Variants in PPP2R3A observed in about 807,000 individuals in gnomAD.
PPP2R3A encodes protein phosphatase 2 regulatory subunit B''alpha.
PPP2R3A carries 80 observed loss-of-function variants against 106.9 expected under a neutral mutation model. That is an observed-to-expected ratio of 0.75 (90% CI 0.62 to 0.90). The LOEUF (loss-of-function observed/expected upper bound fraction) is 0.90. Ranked by LOEUF, PPP2R3A falls within the 40% of genes least tolerant of loss-of-function variation. PPP2R3A has a pLI of 0.00. For missense variants in PPP2R3A, 1,386 were observed against 1,350.4 expected (o/e 1.03, Z -0.41); for synonymous variants, 483 against 468.3 (o/e 1.03, Z -0.41).
At chr3:136,026,802 T>G (rs752687496) in intron 2 of PPP2R3A, 30 bp from the exon 3 acceptor site, 3 of 1,553,776 alleles carry the variant, frequency 1.9e-6, no homozygotes, top group Admixed American at 3.9e-5. Context: ...TTTAAATTTT[T>G]TGTGTCTCAT....
chr3:135,985,352 C>A (rs140355117), intron 1 of PPP2R3A, among the ~76,000 whole-genome samples: 5 of 148,782 alleles, frequency 3.4e-5, no homozygotes, highest in African/African-American at 9.9e-5. Flanking sequence ...TCTCTCTCCC[C>A]GCCCTCTTTC....
intron 11 of PPP2R3A, among the ~76,000 whole-genome samples, 160 bp downstream of exon 11, chr3:136,102,342 CTTT>C (rs397874378): frequency 6.0e-5 from 7 of 116,024 alleles, no homozygotes; most frequent in Non-Finnish European, 7.2e-5. Flanking sequence ...AGTGTAGCAA[CTTT>C]TTTTTTTTTT....
intron 10 of PPP2R3A, among the ~76,000 whole-genome samples, chr3:136,099,189 G>T (rs1249812727): frequency 1.3e-5 from 2 of 151,958 alleles, no homozygotes; most frequent in Non-Finnish European, 2.9e-5. Context: ...CATCCCCAAG[G>T]AAAAAAACCA....
intron 3 of PPP2R3A, among the ~76,000 whole-genome samples, chr3:136,036,766 T>C (rs574569000): frequency 9.8e-5 from 15 of 152,318 alleles, no homozygotes; most frequent in African/African-American, 3.6e-4. Flanking sequence ...GGAGCTGCAG[T>C]CTAGTCCTGC....
At chr3:136,058,797 A>T (rs1935971420) in intron 5 of PPP2R3A, among the ~76,000 whole-genome samples, 1 of 152,200 alleles carries the variant, frequency 6.6e-6, no homozygotes, top group Non-Finnish European at 1.5e-5. Flanking sequence ...ACAAAAACAG[A>T]TACATAGACC....
In PPP2R3A at chr3:136,146,678, ACTAT is replaced by A. The variant is rs1286626388; in HGVS notation, c.*1516_*1519del. 3 of 152,200 alleles carry A rather than the reference ACTAT, an allele frequency of 2.0e-5. No homozygotes were observed. The highest frequency in any genetic ancestry group is 2.1e-4 in the South Asian group (1 of 4,830). The allele number at this position is 152,200 out of a possible 1,614,324, so 9.4% of individuals were successfully genotyped here. A position where few individuals can be genotyped will look rare whatever the true frequency, so the allele number is the denominator to read the frequency against. ...ATTACAGAAAGCAGTAACTATTGCA[ACTAT>A]CTAATAGTTCACACAAAAGAATTAA... On this transcript the variant is annotated 3_prime_UTR_variant, in exon 14 of 14. Transcript: ENST00000264977.
intron 3 of PPP2R3A, among the ~76,000 whole-genome samples, chr3:136,031,929 A>G (rs1170847922): frequency 6.6e-6 from 1 of 152,182 alleles, no homozygotes; most frequent in African/African-American, 2.4e-5. Context: ...GTTTGAAATC[A>G]GGTAATGTGA....
intron 10 of PPP2R3A, among the ~76,000 whole-genome samples, chr3:136,095,637 A>G (rs1937199028): frequency 6.6e-6 from 1 of 151,944 alleles, no homozygotes; most frequent in African/African-American, 2.4e-5. Flanking sequence ...TAGGCTGTAG[A>G]CTCCCTAAAA....
Position 136,003,101 on chromosome 3 carries a change from A to G in PPP2R3A, c.1603A>G (p.Lys535Glu), listed in dbSNP as rs1275057912. Residue 535 changes from lysine (K) to glutamate (E), a missense_variant, in exon 2 of 14, where the codon AAA (lysine) becomes GAA (glutamate). Lys to Glu is a moderately conservative substitution (Grantham distance 56). Transcript: ENST00000264977. ...TCTAAGAGAGCCACTTGCGAAGGGT[A>G]AAAACTCTAATTTTTTAAATAGTCA... is the stretch of plus-strand genomic sequence containing the variant. ...TSLREPLAKG[K>E]NSNFLNSHSQ... The G allele has an allele frequency of 2.5e-6, 4 of 1,610,866 alleles. No homozygotes were observed. In the African/African-American group the frequency reaches 4.0e-5, roughly 16 times the overall value.
chr3:135,981,650 T>G (rs765703893), intron 1 of PPP2R3A, among the ~76,000 whole-genome samples: 13 of 151,866 alleles, frequency 8.6e-5, no homozygotes, highest in Non-Finnish European at 1.6e-4. Flanking sequence ...AACAAAATCC[T>G]TGCCTTTGGA....
At chr3:135,981,844 A>G (rs1296166448) in intron 1 of PPP2R3A, among the ~76,000 whole-genome samples, 1 of 151,824 alleles carries the variant, frequency 6.6e-6, no homozygotes, top group Non-Finnish European at 1.5e-5. Flanking sequence ...ATAGTACAAG[A>G]TGAGGTCAGG....
At chr3:136,000,776 C>G (rs918115489) in intron 1 of PPP2R3A, among the ~76,000 whole-genome samples, 1 of 152,092 alleles carries the variant, frequency 6.6e-6, no homozygotes, top group Non-Finnish European at 1.5e-5. Flanking sequence ...GATGAAAATG[C>G]CGTGTAAATC....
chr3:136,023,161 C>CA, intron 2 of PPP2R3A: 1 of 1,613,526 alleles, frequency 6.2e-7, no homozygotes, highest in Non-Finnish European at 8.5e-7. Context: ...GTTCTCCCTT[C>CA]ACGGTTTAAG....
intron 8 of PPP2R3A, among the ~76,000 whole-genome samples, chr3:136,083,430 C>T (rs1440171978): frequency 6.6e-6 from 1 of 152,162 alleles, no homozygotes; most frequent in Non-Finnish European, 1.5e-5. Flanking sequence ...GTAACATGTG[C>T]TGTTGCTTCT....
At chr3:136,023,485 C>G (rs761100536) in intron 2 of PPP2R3A, among the ~76,000 whole-genome samples, 4 of 152,040 alleles carry the variant, frequency 2.6e-5, no homozygotes, top group Non-Finnish European at 5.9e-5. Context: ...ACAACAAATA[C>G]AACTTAATGA....
chr3:136,022,654 G>A, intron 2 of PPP2R3A: 1 of 602,424 alleles, frequency 1.7e-6, no homozygotes, highest in Non-Finnish European at 2.1e-6. Context: ...AGTTTAAGAA[G>A]TTAGCATTAT....
chr3:136,124,571 C>G (rs1430448642), intron 13 of PPP2R3A, among the ~76,000 whole-genome samples: 1 of 151,140 alleles, frequency 6.6e-6, no homozygotes, highest in African/African-American at 2.4e-5. Flanking sequence ...GGTCTAATAT[C>G]AACAATATAA....
At chr3:136,108,960 CATAA>C (rs1937557324) in intron 13 of PPP2R3A, among the ~76,000 whole-genome samples, 1 of 151,998 alleles carries the variant, frequency 6.6e-6, no homozygotes, top group Non-Finnish European at 1.5e-5. Flanking sequence ...TTAAAAAGTA[CATAA>C]TCATAAAACC....
In PPP2R3A at chr3:136,140,367, G is replaced by C. The variant is rs1430259993; in HGVS notation, c.3330-4676G>C. Among the ~76,000 whole-genome samples, 3 of 150,420 alleles carry C rather than the reference G, an allele frequency of 2.0e-5. No homozygotes were observed. The East Asian group carries it at 6.0e-4, about 30-fold the overall frequency. On this transcript the variant is annotated intron_variant, in intron 13 of 13. Coordinates refer to ENST00000264977, the MANE Select transcript of PPP2R3A (RefSeq NM_002718.5). ...GCACTTTGGGAGGCCAAGGCAGGAG[G>C]ATTCCTTGAGCCTAGGAGTTTGAGG...
Sources: gnomAD v4.1 joint callset for allele counts (sites outside exome capture counted in the v4.1 genomes callset) on GRCh38, gnomAD v4.1.1 for gene constraint, MANE v1.5 for transcripts, NCBI Gene and HGNC (gene_info 2026-07-23, HGNC 2026-07-21) for gene names.